The following ERBB2 variants were observed in gnomAD, a reference collection of about 807,000 sequenced individuals.
ERBB2 encodes the protein receptor tyrosine-protein kinase erbB-2.
In ERBB2, 61 loss-of-function variants were observed where a neutral mutation model predicts 149.0. The observed-to-expected ratio is 0.41, with a 90% confidence interval of 0.33 to 0.51. ERBB2 has a LOEUF of 0.51. Among genes scored for constraint, ERBB2 ranks in the 20% least tolerant of loss-of-function variants. The pLI is 0.25. For missense variants in ERBB2, 1,205 were observed against 1,655.1 expected (o/e 0.73, Z 4.72); for synonymous variants, 633 against 678.8 (o/e 0.93, Z 1.05).
Position 39,712,055 on chromosome 17 carries a change from C to T in ERBB2, c.1021+8C>T, listed in dbSNP as rs1567902150. On this transcript the variant is annotated splice_region_variant and intron_variant, in intron 8 of 26. Transcript: ENST00000269571. Reference sequence around the variant, plus strand: ...GCAAGCCCTGTGCCCGAGGTACCCACTCACTGCCCCCGAGGCCAGCTGCAG... The same window carrying T: ...GCAAGCCCTGTGCCCGAGGTACCCATTCACTGCCCCCGAGGCCAGCTGCAG... 2.5e-6 allele frequency: 4 copies of T among 1,613,764 alleles called. No homozygotes were observed. Among genetic ancestry groups the T allele is most frequent in the Admixed American group, 1.7e-5 (1 of 60,006 alleles).
chr17:39,694,251 ATATATATATATATATATGTGTG>A (rs2057794366), upstream of ERBB2, among the ~76,000 whole-genome samples: 2 of 30,080 alleles, frequency 6.6e-5, no homozygotes, highest in Non-Finnish European at 1.7e-4. Context: ...ATATATATAT[ATATATATATATATATATGTGTG>A]TATATATATA....
At chr17:39,692,197 A>ATG (rs1236892445), upstream of ERBB2, among the ~76,000 whole-genome samples, 1 of 151,700 alleles carries the variant, frequency 6.6e-6, no homozygotes, top group African/African-American at 2.4e-5. Context: ...AGAACAAAAT[A>ATG]TGTGTGTGTG....
chr17:39,691,758 T>C (rs2057707682), upstream of ERBB2, among the ~76,000 whole-genome samples: 1 of 148,534 alleles, frequency 6.7e-6, no homozygotes, highest in South Asian at 2.1e-4. Flanking sequence ...TGTCCATCAA[T>C]AGGGAATGAA....
At chr17:39,712,734 T>C (rs1597868838) in intron 9 of ERBB2, among the ~76,000 whole-genome samples, 1 of 152,150 alleles carries the variant, frequency 6.6e-6, no homozygotes, top group East Asian at 1.9e-4. Flanking sequence ...TATCCCCAAA[T>C]TGGAAATAAC....
upstream of ERBB2, among the ~76,000 whole-genome samples, chr17:39,692,867 G>A (rs1165725615): frequency 2.0e-5 from 3 of 151,748 alleles, no homozygotes; most frequent in African/African-American, 7.3e-5. Context: ...GTTCAAGACC[G>A]GCCTGACCAA....
chr17:39,715,208 A>G, intron 9 of ERBB2, 78 bp from the exon 10 acceptor site: 1 of 1,180,070 alleles, frequency 8.5e-7, no homozygotes, highest in Non-Finnish European at 1.2e-6. Flanking sequence ...CATGGTGGGG[A>G]GTGGCTGGCA....
At chr17:39,694,158 C>T (rs1270773443), upstream of ERBB2, among the ~76,000 whole-genome samples, 5 of 124,734 alleles carry the variant, frequency 4.0e-5, no homozygotes, top group Admixed American at 1.8e-4. Context: ...CATGCCACTG[C>T]GCTCCAGCCT....
upstream of ERBB2, among the ~76,000 whole-genome samples, chr17:39,699,255 T>A (rs905647353): frequency 2.0e-4 from 30 of 151,074 alleles, no homozygotes; most frequent in Non-Finnish European, 4.3e-4. Flanking sequence ...AGGTTGGGAG[T>A]TCAAGACCAG....
At chr17:39,712,098 A>G (rs1193200175) in intron 8 of ERBB2, 51 bp downstream of exon 8, 2 of 1,612,786 alleles carry the variant, frequency 1.2e-6, no homozygotes, top group South Asian at 2.2e-5. Context: ...CCCTCTGCGC[A>G]TGCAGCCTGG....
chr17:39,701,225 TG>T (rs2058089479), intron 1 of ERBB2, among the ~76,000 whole-genome samples: 1 of 152,132 alleles, frequency 6.6e-6, no homozygotes, highest in South Asian at 2.1e-4. Flanking sequence ...ACATATAGCC[TG>T]GGCCAGGTAT....
At chr17:39,694,223 A>ATGTGT (rs1243886605), upstream of ERBB2, among the ~76,000 whole-genome samples, 5 of 26,130 alleles carry the variant, frequency 1.9e-4, no homozygotes, top group African/African-American at 1.1e-3. Context: ...AAAAAAAAAA[A>ATGTGT]AAAATATATA....
chr17:39,705,241 G>A (rs554551829), intron 1 of ERBB2, among the ~76,000 whole-genome samples: 4 of 152,170 alleles, frequency 2.6e-5, no homozygotes, highest in African/African-American at 4.8e-5. Flanking sequence ...GCCACAGCTG[G>A]TATCCCTTGA....
In ERBB2 at chr17:39,719,822, A is replaced by T. The variant is rs2145748918; in HGVS notation, c.1934A>T (p.Glu645Val). The T allele has an allele frequency of 1.9e-6, 3 of 1,614,144 alleles. No individual in the cohort carries two copies. The South Asian group carries it at 3.3e-5, about 18-fold the overall frequency. The change falls in exon 16 of 27, where the codon GAG becomes GTG. Residue 645 changes from glutamate (E) to valine (V), a missense_variant. This residue lies in a region of ERBB2 where 569 missense variants were observed against 803.5 expected (regional missense o/e 0.71). Coordinates refer to ENST00000269571, the MANE Select transcript of ERBB2 (RefSeq NM_004448.4). ...VDLDDKGCPA[E>V]QRASPLTSII... ...CTGGATGACAAGGGCTGCCCCGCCG[A>T]GCAGAGAGCCAGGTTGGCCTGGACC...
At chr17:39,719,648 G>A (rs1012718324) in intron 15 of ERBB2, 139 bp from the exon 16 acceptor site, 20 of 811,346 alleles carry the variant, frequency 2.5e-5, no homozygotes, top group Admixed American at 5.4e-5. Context: ...GAGCACTGAC[G>A]GCCTTGAGCC....
At chr17:39,695,877 C>G (rs2057853348), upstream of ERBB2, among the ~76,000 whole-genome samples, 1 of 152,158 alleles carries the variant, frequency 6.6e-6, no homozygotes, top group Non-Finnish European at 1.5e-5. Context: ...GAGCCCTGTC[C>G]TGCCTCTTCA....
At chr17:39,708,113 A>G (rs1305717900) in intron 2 of ERBB2, 1 of 498,686 alleles carries the variant, frequency 2.0e-6, no homozygotes, top group Non-Finnish European at 3.5e-6. Context: ...ATGCCCCCCC[A>G]CCATTATCTT....
intron 1 of ERBB2, among the ~76,000 whole-genome samples, chr17:39,704,554 A>C (rs541524323): frequency 7.2e-5 from 11 of 152,268 alleles, no homozygotes; most frequent in African/African-American, 2.4e-4. Context: ...GCCTGGCGAC[A>C]GGGCGAGACT....
Position 39,700,118 on chromosome 17 carries a change from C to T in ERBB2, c.-121C>T. 1 of 1,290,402 alleles carries T rather than the reference C, an allele frequency of 7.7e-7. No individual in the cohort carries two copies. The highest frequency in any genetic ancestry group is 9.8e-7 in the Non-Finnish European group (1 of 1,023,002). 79.9% of individuals were successfully genotyped at this position (1,290,402 alleles called of 1,614,324 possible). A position where few individuals can be genotyped will look rare whatever the true frequency, so the allele number is the denominator to read the frequency against. ...GAGCCCCCCGGGCAGCCGCGCGCCCCTTCCCACGGGGCCCTTTACTGCGCC... is the reference window on the plus strand; with the variant it reads ...GAGCCCCCCGGGCAGCCGCGCGCCCTTTCCCACGGGGCCCTTTACTGCGCC... On this transcript the variant is annotated 5_prime_UTR_variant, in exon 1 of 27. Coordinates refer to ENST00000269571, the MANE Select transcript of ERBB2 (RefSeq NM_004448.4).
At chr17:39,715,242 C>T (rs1353363514) in intron 9 of ERBB2, 44 bp from the exon 10 acceptor site, 1 of 1,542,144 alleles carries the variant, frequency 6.5e-7, no homozygotes, top group Non-Finnish European at 9.0e-7. Flanking sequence ...GAGTGATGTC[C>T]ACCCTGTTCC....
Sources: allele counts gnomAD v4.1 joint callset (sites outside exome capture counted in the v4.1 genomes callset), GRCh38; gene constraint gnomAD v4.1.1; regional missense constraint gnomAD v4.1.1; transcripts MANE v1.5; gene names NCBI Gene and HGNC (gene_info 2026-07-23, HGNC 2026-07-21).